ULK4: variants seen among roughly 807,000 people sequenced by gnomAD.
ULK4 encodes the protein unc-51 like kinase 4.
ULK4 carries 133 observed loss-of-function variants against 160.6 expected under a neutral mutation model. That is an observed-to-expected ratio of 0.83 (90% confidence interval 0.72 to 0.96). The LOEUF is 0.96. Ranked by LOEUF, ULK4 falls within the 40% of genes least tolerant of loss-of-function variation. The pLI is 0.00. For missense variants in ULK4, 1,580 were observed against 1,499.5 expected (o/e 1.05, Z -0.89); for synonymous variants, 534 against 539.8 (o/e 0.99, Z 0.15).
At chr3:41,657,483 T>C (rs756065904) in intron 30 of ULK4, among the ~76,000 whole-genome samples, 2 of 152,122 alleles carry the variant, frequency 1.3e-5, no homozygotes, top group Non-Finnish European at 2.9e-5. Context: ...TGGAAATCTA[T>C]CTGCACAAAC....
At chr3:41,671,631 TAGGGAAA>T (rs2125775209) in intron 29 of ULK4, among the ~76,000 whole-genome samples, 1 of 151,836 alleles carries the variant, frequency 6.6e-6, no homozygotes, top group South Asian at 2.1e-4. Context: ...AAAGAAAACA[TAGGGAAA>T]ACTCTTCAGG....
At position 41,471,587 on chromosome 3, in the gene ULK4, C is replaced by T. The variant is rs144281161; in HGVS notation, c.3227-8334G>A. 3.0e-3 allele frequency among the ~76,000 whole-genome samples: 453 copies of T among 152,220 alleles called. 4 individuals carry two copies. The highest frequency in any genetic ancestry group is 0.01 in the African/African-American group (433 of 41,536). On this transcript the variant is annotated intron_variant, in intron 32 of 36. Coordinates refer to ENST00000301831, the MANE Select transcript of ULK4 (RefSeq NM_017886.4). ...GGAACATTCTTCAGGATAGATTATA[C>T]GTGAGGACAAGTCTTGACATGTCTT...
chr3:41,874,992 T>C (rs1434778362), intron 17 of ULK4, among the ~76,000 whole-genome samples: 2 of 151,994 alleles, frequency 1.3e-5, no homozygotes, highest in South Asian at 4.1e-4. Context: ...TGGGAAATAA[T>C]ATGAGACACC....
At chr3:41,733,929 G>A (rs1008410285) in intron 22 of ULK4, among the ~76,000 whole-genome samples, 3 of 151,788 alleles carry the variant, frequency 2.0e-5, no homozygotes, top group Non-Finnish European at 2.9e-5. Context: ...TTGAGACGGG[G>A]TTTCACCATG....
intron 18 of ULK4, among the ~76,000 whole-genome samples, chr3:41,832,990 C>T (rs922831919): frequency 1.8e-4 from 28 of 151,754 alleles, no homozygotes; most frequent in Admixed American, 1.4e-3. Flanking sequence ...TTGTTCTTTT[C>T]GCTTAGGATT....
intron 32 of ULK4, among the ~76,000 whole-genome samples, chr3:41,487,409 A>G (rs2084578364): frequency 6.6e-6 from 1 of 152,162 alleles, no homozygotes; most frequent in African/African-American, 2.4e-5. Context: ...ATTTTTGTAA[A>G]AAGAGAATTA....
chr3:41,830,665 G>T (rs1237147324), intron 18 of ULK4, among the ~76,000 whole-genome samples: 1 of 152,060 alleles, frequency 6.6e-6, no homozygotes, highest in East Asian at 1.9e-4. Flanking sequence ...TGTCATTATT[G>T]GTAAGACAGT....
rs749634700 is a variant in ULK4, at chr3:41,754,320, TA to T, written c.2321+40del. 3.8e-6 allele frequency: 6 copies of T among 1,588,786 alleles called. No homozygotes were observed. The African/African-American group carries it at 8.2e-5, about 22-fold the overall frequency. On this transcript the variant is annotated intron_variant, in intron 22 of 36. Transcript: ENST00000301831. ...CTACAACTACTAATACAACAGGCAC[TA>T]AATTGAAGTTACTGATGAAACCATC...
At chr3:41,258,392 T>C (rs1366121651) in intron 35 of ULK4, 1 of 152,136 alleles carries the variant, frequency 6.6e-6, no homozygotes, top group Non-Finnish European at 1.5e-5. Flanking sequence ...TAAGAGACTA[T>C]TGGTGAACTT....
chr3:41,506,767 A>AAAAAAAAAAATATATATATAAAT lies in ULK4; in HGVS notation c.3227-43515_3227-43514insATTTATATATATATTTTTTTTTT. ...AGCAATACACTGGAGTGTGATTTAAAATATATATATATATATATATATATA... is the reference window on the plus strand; with the variant it reads ...AGCAATACACTGGAGTGTGATTTAAAAAAAAAAAAATATATATATAAATATATATATATATATATATATATATA... On this transcript the variant is annotated intron_variant, in intron 32 of 36. Transcript: ENST00000301831. 3.5e-5 allele frequency among the ~76,000 whole-genome samples: 2 copies of AAAAAAAAAAATATATATATAAAT among 56,766 alleles called. 1 individual carries two copies. Among genetic ancestry groups the AAAAAAAAAAATATATATATAAAT allele is most frequent in the Non-Finnish European group, 6.3e-5 (2 of 31,988 alleles). The allele number at this position is 56,766 out of a possible 152,430, so 37.2% of individuals were successfully genotyped here.
At chr3:41,701,692 G>C (rs2036680063) in intron 27 of ULK4, among the ~76,000 whole-genome samples, 2 of 152,284 alleles carry the variant, frequency 1.3e-5, no homozygotes, top group East Asian at 3.9e-4. Context: ...TTAAAGTAGT[G>C]ATAGTAAAGT....
chr3:41,471,879 A>G (rs1258592181), intron 32 of ULK4, among the ~76,000 whole-genome samples: 7 of 151,992 alleles, frequency 4.6e-5, no homozygotes, highest in Non-Finnish European at 8.8e-5. Flanking sequence ...GTTTATTACA[A>G]TAAGTACCTA....
At chr3:41,826,029 T>A (rs2041335231) in intron 18 of ULK4, among the ~76,000 whole-genome samples, 2 of 152,178 alleles carry the variant, frequency 1.3e-5, no homozygotes, top group African/African-American at 4.8e-5. Context: ...AAAAGAATTT[T>A]CAACCCAGAA....
intron 33 of ULK4, among the ~76,000 whole-genome samples, chr3:41,455,854 G>T (rs1361463113): frequency 6.6e-6 from 1 of 152,168 alleles, no homozygotes; most frequent in Non-Finnish European, 1.5e-5. Flanking sequence ...CAATTACAAA[G>T]GTTGCTAATG....
At chr3:41,695,722 G>A (rs766122926) in intron 27 of ULK4, among the ~76,000 whole-genome samples, 32 of 152,076 alleles carry the variant, frequency 2.1e-4, no homozygotes, top group Non-Finnish European at 4.1e-4. Context: ...CCGAGGCCAC[G>A]AGCTGTTCCA....
rs118118483 is a variant in ULK4 at position 41,770,457 on chromosome 3, T to C, written c.2194-15969A>G. The stretch of plus-strand genomic sequence containing the variant: ...ATAATCTTCCTAATGCTACAGATTA[T>C]AGGATTACTACCAAAAATTGTGTAA... On this transcript the variant is annotated intron_variant, in intron 21 of 36. Coordinates refer to ENST00000301831, the MANE Select transcript of ULK4 (RefSeq NM_017886.4). 7.2e-4 allele frequency among the ~76,000 whole-genome samples: 109 copies of C among 152,104 alleles called. 1 individual carries two copies. In the East Asian group the frequency reaches 0.018, roughly 26 times the overall value.
At chr3:41,832,106 A>G (rs1433885587) in intron 18 of ULK4, among the ~76,000 whole-genome samples, 2 of 152,152 alleles carry the variant, frequency 1.3e-5, no homozygotes, top group African/African-American at 4.8e-5. Context: ...CTGGTTCTAG[A>G]TCCCTGAGGA....
At chr3:41,437,033 G>C (rs1208187498) in intron 34 of ULK4, among the ~76,000 whole-genome samples, 1 of 152,164 alleles carries the variant, frequency 6.6e-6, no homozygotes, top group Non-Finnish European at 1.5e-5. Context: ...GTCATATCTA[G>C]CTGCTTATTT....
chr3:41,850,964 T>C (rs12107693), intron 17 of ULK4, among the ~76,000 whole-genome samples: 47,883 of 152,088 alleles, frequency 0.31, 11,083 homozygotes, highest in African/African-American at 0.66. Context: ...AGTCTTTAAT[T>C]CATCTTGAAT....
Sources: gnomAD v4.1 joint callset for allele counts (sites outside exome capture counted in the v4.1 genomes callset) on GRCh38, gnomAD v4.1.1 for gene constraint, MANE v1.5 for transcripts, NCBI Gene and HGNC (gene_info 2026-07-23, HGNC 2026-07-21) for gene names.